The following SYNCRIP variants were observed in gnomAD, a reference collection of about 807,000 sequenced individuals.
SYNCRIP encodes the protein synaptotagmin binding cytoplasmic RNA interacting protein, also known as heterogeneous nuclear ribonucleoprotein Q.
Under a neutral mutation model 68.9 loss-of-function variants are expected in SYNCRIP, and 9 were observed. The observed-to-expected ratio is 0.13, with a 90% CI of 0.08 to 0.23. SYNCRIP has a LOEUF of 0.23. Among genes scored for constraint, SYNCRIP ranks in the 10% least tolerant of loss-of-function variants. The pLI, the probability that SYNCRIP is intolerant of heterozygous loss-of-function variation, is 1.00. For missense variants in SYNCRIP, 414 were observed against 770.6 expected (o/e 0.54, Z 5.48); for synonymous variants, 258 against 254.0 (o/e 1.02, Z -0.15).
Position 85,623,962 on chromosome 6 carries a change from A to C in SYNCRIP, c.802+15T>G. The C allele has an allele frequency of 6.2e-7, 1 of 1,613,500 alleles. No individual in the cohort carries two copies. On this transcript the variant is annotated intron_variant, in intron 7 of 10. Transcript: ENST00000369622. ...TATTAAAAGCTGCACCTCATTCCAAATAAATCCAACTTACCTGTTACTTTG... is the reference window on the plus strand; with the variant it reads ...TATTAAAAGCTGCACCTCATTCCAACTAAATCCAACTTACCTGTTACTTTG...
chr6:85,636,381 G>A (rs1043132769), intron 6 of SYNCRIP, among the ~76,000 whole-genome samples: 1 of 151,944 alleles, frequency 6.6e-6, no homozygotes, highest in Non-Finnish European at 1.5e-5. Context: ...GAGGGGTGGA[G>A]GTTGCAGTGA....
In SYNCRIP at chr6:85,623,930, T is replaced by A. The variant is rs775575959; in HGVS notation, c.802+47A>T. ...ATGACGCACAGAAATATGCTATTAA[T>A]CTTCATTATTAAAAGCTGCACCTCA... On this transcript the variant is annotated intron_variant, in intron 7 of 10. Transcript: ENST00000369622. 4.4e-6 allele frequency: 7 copies of A among 1,600,428 alleles called. No homozygotes were observed. The African/African-American group carries it at 6.7e-5, about 15-fold the overall frequency.
chr6:85,637,248 T>G lies in SYNCRIP; in HGVS notation c.484A>C (p.Thr162Pro). The G allele has an allele frequency of 6.2e-7, 1 of 1,613,676 alleles. No homozygotes were observed. The highest frequency in any genetic ancestry group is 8.5e-7 in the Non-Finnish European group (1 of 1,179,826). The change falls in exon 5 of 11, where the codon ACT becomes CCT. Residue 162 changes from threonine to proline, a missense_variant. This residue lies in a region of SYNCRIP where 110 missense variants were observed against 269.3 expected (regional missense o/e 0.41). Transcript: ENST00000369622. ...VYSGQQPSVG[T>P]EIFVGKIPRD... ...CAAGTTTTTAGTTGCTTTACCTCAG[T>G]GCCAACAGAAGGCTGCTGACCTGAA... is the stretch of plus-strand genomic sequence containing the variant.
chr6:85,625,983 T>A (rs919808349), intron 6 of SYNCRIP, among the ~76,000 whole-genome samples: 1 of 152,206 alleles, frequency 6.6e-6, no homozygotes, highest in Non-Finnish European at 1.5e-5. Flanking sequence ...GATACACATC[T>A]AACAATTCAG....
intron 6 of SYNCRIP, among the ~76,000 whole-genome samples, chr6:85,636,127 C>A (rs1808417981): frequency 6.6e-6 from 1 of 152,174 alleles, no homozygotes; most frequent in Admixed American, 6.5e-5. Flanking sequence ...AAAGGACTTA[C>A]ATAAACTATA....
intron 6 of SYNCRIP, among the ~76,000 whole-genome samples, chr6:85,630,964 A>C: frequency 6.6e-6 from 1 of 152,072 alleles, no homozygotes; most frequent in East Asian, 1.9e-4. Context: ...ATGTCACCCT[A>C]CCTGAAAAGA....
chr6:85,614,301 CA>C lies in SYNCRIP; in HGVS notation c.*454del. On this transcript the variant is annotated 3_prime_UTR_variant, in exon 11 of 11. Transcript: ENST00000369622. Reference sequence around the variant, plus strand: ...ATGGTTTTGAAAACCCAAATTAGGTCAAAGTTCTAAATTAAAAATAGCAGTT... The same window carrying C: ...ATGGTTTTGAAAACCCAAATTAGGTCAAGTTCTAAATTAAAAATAGCAGTT... 1.0e-6 allele frequency: 1 copy of C among 986,260 alleles called. No individual in the cohort carries two copies. Among genetic ancestry groups the C allele is most frequent in the Non-Finnish European group, 1.2e-6 (1 of 830,198 alleles). 61.1% of individuals were successfully genotyped at this position (986,260 alleles called of 1,614,324 possible). A position where few individuals can be genotyped will look rare whatever the true frequency, so the allele number is the denominator to read the frequency against.
intron 10 of SYNCRIP, among the ~76,000 whole-genome samples, chr6:85,617,928 A>G (rs1393063424): frequency 6.6e-6 from 1 of 152,218 alleles, no homozygotes; most frequent in East Asian, 1.9e-4. Flanking sequence ...TTCAGTCTTA[A>G]GCAGATACCT....
intron 7 of SYNCRIP, among the ~76,000 whole-genome samples, chr6:85,623,553 G>A (rs1407960136): frequency 3.2e-5 from 1 of 31,484 alleles, no homozygotes; most frequent in African/African-American, 1.4e-4. Flanking sequence ...AACAAAGCAA[G>A]ACTGTCTCCA....
At chr6:85,626,999 C>T (rs1361946838) in intron 6 of SYNCRIP, among the ~76,000 whole-genome samples, 1 of 152,126 alleles carries the variant, frequency 6.6e-6, no homozygotes, top group Non-Finnish European at 1.5e-5. Context: ...GGCGCGGTGG[C>T]TCATGCCTGT....
At chr6:85,629,514 T>TAAAAAAAAA (rs1807457172) in intron 6 of SYNCRIP, among the ~76,000 whole-genome samples, 1 of 28,698 alleles carries the variant, frequency 3.5e-5, no homozygotes, top group Non-Finnish European at 7.8e-5. Context: ...AAACTAAAAA[T>TAAAAAAAAA]ACAAAAAAAA....
intron 6 of SYNCRIP, among the ~76,000 whole-genome samples, chr6:85,633,930 CTT>C (rs1173628927): frequency 2.6e-5 from 4 of 152,090 alleles, no homozygotes; most frequent in African/African-American, 9.7e-5. Context: ...CCAAAAGTAT[CTT>C]TTAAAAGACA....
At chr6:85,627,196 C>A (rs1281969820) in intron 6 of SYNCRIP, among the ~76,000 whole-genome samples, 1 of 146,594 alleles carries the variant, frequency 6.8e-6, no homozygotes, top group South Asian at 2.2e-4. Context: ...TGAAACTGGG[C>A]GGCAGGGGTT....
At chr6:85,631,304 C>T (rs1338572353) in intron 6 of SYNCRIP, among the ~76,000 whole-genome samples, 1 of 145,220 alleles carries the variant, frequency 6.9e-6, no homozygotes, top group Non-Finnish European at 1.5e-5. Flanking sequence ...GCACCACTGC[C>T]CTCCAGCCTG....
intron 7 of SYNCRIP, among the ~76,000 whole-genome samples, chr6:85,623,589 T>C (rs1272163605): frequency 1.4e-5 from 1 of 72,372 alleles, no homozygotes; most frequent in Non-Finnish European, 2.9e-5. Flanking sequence ...AAAAACACTC[T>C]GCTACGGCAA....
rs542047097 is a variant in SYNCRIP, at chr6:85,642,409, C to T, written c.-13+388G>A. The stretch of plus-strand genomic sequence containing the variant: ...CAGCGTGAGGGCGTTCAGCGGACGG[C>T]TCAACGCCCGCGGGACCGTGAGCAC... On this transcript the variant is annotated intron_variant, in intron 1 of 10. Transcript: ENST00000369622. Among the ~76,000 whole-genome samples the T allele has an allele frequency of 4.6e-5, 7 of 152,312 alleles. No individual in the cohort carries two copies. The East Asian group carries it at 1.2e-3, about 25-fold the overall frequency.
chr6:85,631,555 CTGAA>C (rs2128294896), intron 6 of SYNCRIP, among the ~76,000 whole-genome samples: 2 of 152,250 alleles, frequency 1.3e-5, no homozygotes, highest in South Asian at 4.1e-4. Context: ...CTTCAGTAGT[CTGAA>C]TGGTACAAAT....
Position 85,614,639 on chromosome 6 carries a change from T to G in SYNCRIP, c.*117A>C. On this transcript the variant is annotated 3_prime_UTR_variant, in exon 11 of 11. Coordinates refer to ENST00000369622, the MANE Select transcript of SYNCRIP (RefSeq NM_006372.5). The stretch of plus-strand genomic sequence containing the variant: ...TTCGTGTCCAAGCGGATTGTTAAAA[T>G]ATATACATAAAGGGAAATCTTGCCA... 1.4e-6 allele frequency: 2 copies of G among 1,396,396 alleles called. No individual in the cohort carries two copies. The highest frequency in any genetic ancestry group is 1.9e-6 in the Non-Finnish European group (2 of 1,074,272). 86.5% of individuals were successfully genotyped at this position (1,396,396 alleles called of 1,614,324 possible). A position where few individuals can be genotyped will look rare whatever the true frequency, so the allele number is the denominator to read the frequency against.
chr6:85,623,903 G>T, intron 7 of SYNCRIP, 74 bp downstream of exon 7: 3 of 1,545,584 alleles, frequency 1.9e-6, no homozygotes, highest in Non-Finnish European at 2.7e-6. Context: ...TTAGAACAAT[G>T]CATGACGCAC....
Sources: allele counts gnomAD v4.1 joint callset (sites outside exome capture counted in the v4.1 genomes callset), GRCh38; gene constraint gnomAD v4.1.1; regional missense constraint gnomAD v4.1.1; transcripts MANE v1.5; gene names NCBI Gene and HGNC (gene_info 2026-07-23, HGNC 2026-07-21).